Variants in DGCR6L observed in about 807,000 individuals in gnomAD.
DGCR6L encodes DiGeorge syndrome critical region gene 6 like.
In DGCR6L, 24 loss-of-function variants were observed where a neutral mutation model predicts 31.1. The ratio of observed to expected loss-of-function variants is 0.77; its 90% CI spans 0.56 to 1.08. DGCR6L has a LOEUF of 1.08. Among genes scored for constraint, DGCR6L ranks in the 50% least tolerant of loss-of-function variants. DGCR6L has a pLI of 0.00. For synonymous variants in DGCR6L, 104 were observed against 126.1 expected, an observed-to-expected ratio of 0.82 and a Z score of 1.17; for missense variants, 218 against 287.1, an observed-to-expected ratio of 0.76 and a Z score of 1.74.
chr22:20,319,619 A>C lies in DGCR6L; in HGVS notation c.271+20T>G, dbSNP rs1302616288. On this transcript the variant is annotated intron_variant, in intron 2 of 4. Transcript: ENST00000248879. ...GCCGACCCGGAGGAGGCGGCACCTC[A>C]TCCCGCTGCCCCCGCGCACCTCGGT... 1.9e-5 allele frequency: 30 copies of C among 1,609,420 alleles called. No homozygotes were observed. The highest frequency in any genetic ancestry group is 3.3e-5 in the South Asian group (3 of 90,652).
At position 20,314,519 on chromosome 22, in the gene DGCR6L, A is replaced by G; in HGVS notation, c.*156T>C. ...GGCCCAGCCTCCCCTTTATGAGACT[A>G]TCCTAGGGTTTGACAGCAAGTCCCA... On this transcript the variant is annotated 3_prime_UTR_variant, in exon 5 of 5. Transcript: ENST00000248879. 8.7e-7 allele frequency: 1 copy of G among 1,154,186 alleles called. No individual in the cohort carries two copies. The highest frequency in any genetic ancestry group is 1.2e-6 in the Non-Finnish European group (1 of 832,232). The allele number at this position is 1,154,186 out of a possible 1,614,324, so 71.5% of individuals were successfully genotyped here.
At chr22:20,316,843 T>C (rs1347383721) in intron 2 of DGCR6L, among the ~76,000 whole-genome samples, 1 of 152,182 alleles carries the variant, frequency 6.6e-6, no homozygotes, top group Admixed American at 6.5e-5. Flanking sequence ...TCTGAGGGGC[T>C]CACCCTCAGC....
At position 20,316,107 on chromosome 22, in the gene DGCR6L, C is replaced by A. The variant is rs1380845975; in HGVS notation, c.372+12G>T. ...AGAGCTGGGCCGGCCACCCTGCCTG[C>A]GCCCCCAGTACCTCTAGTTCTCGCT... On this transcript the variant is annotated intron_variant, in intron 3 of 4. Transcript: ENST00000248879. The A allele has an allele frequency of 1.3e-6, 2 of 1,598,544 alleles. No homozygotes were observed. The highest frequency in any genetic ancestry group is 1.3e-5 in the African/African-American group (1 of 74,870).
intron 2 of DGCR6L, among the ~76,000 whole-genome samples, chr22:20,317,490 CAGG>C (rs2051579440): frequency 6.6e-6 from 1 of 152,256 alleles, no homozygotes; most frequent in Admixed American, 6.5e-5. Flanking sequence ...GCCAAATCAG[CAGG>C]AGAAGCAGAA....
At position 20,319,566 on chromosome 22, in the gene DGCR6L, G is replaced by A. The variant is rs2051592771; in HGVS notation, c.271+73C>T. 4.5e-6 allele frequency: 7 copies of A among 1,569,296 alleles called. No homozygotes were observed. The East Asian group carries it at 1.6e-4, about 36-fold the overall frequency. On this transcript the variant is annotated intron_variant, in intron 2 of 4. Transcript: ENST00000248879. ...ACACTTCCAAGGAAGGAGCTGATCT[G>A]CACAGATACCAAGAGCTGCCCGGAG...
chr22:20,314,407 T>G lies in DGCR6L; in HGVS notation c.*268A>C. The G allele has an allele frequency of 6.1e-6, 3 of 495,228 alleles. No individual in the cohort carries two copies. 30.7% of individuals were successfully genotyped at this position (495,228 alleles called of 1,614,324 possible). On this transcript the variant is annotated 3_prime_UTR_variant, in exon 5 of 5. Coordinates refer to ENST00000248879, the MANE Select transcript of DGCR6L (RefSeq NM_033257.4). ...GAACAAGCGCTCGGGTGGGCCCCAG[T>G]GCAGGTTGGGATGTGCCCGGTGGAG... is the stretch of plus-strand genomic sequence containing the variant.
intron 4 of DGCR6L, 56 bp downstream of exon 4, chr22:20,315,280 G>C (rs751854014): frequency 1.0e-5 from 16 of 1,570,178 alleles, no homozygotes; most frequent in Admixed American, 5.7e-5. Context: ...TAAAACCCCA[G>C]ATGGAATGGG....
chr22:20,318,761 T>C (rs776365008), intron 2 of DGCR6L: 3 of 152,136 alleles, frequency 2.0e-5, no homozygotes, highest in Non-Finnish European at 2.9e-5. Context: ...CATTCTTGGT[T>C]TTCAGGACTA....
At chr22:20,318,672 TAGG>T (rs1215660214) in intron 2 of DGCR6L, 1 of 152,206 alleles carries the variant, frequency 6.6e-6, no homozygotes, top group Admixed American at 6.5e-5. Context: ...TGCAGCTGTG[TAGG>T]AGACCAGTTT....
chr22:20,319,634 CG>C lies in DGCR6L; in HGVS notation c.271+4del, dbSNP rs772670410. 2.9e-5 allele frequency: 46 copies of C among 1,610,672 alleles called. No homozygotes were observed. The highest frequency in any genetic ancestry group is 3.8e-5 in the Non-Finnish European group (45 of 1,179,642). The stretch of plus-strand genomic sequence containing the variant: ...GCGGCACCTCATCCCGCTGCCCCCG[CG>C]CACCTCGGTGCTCGTTCTGTAGGCG... On this transcript the variant is annotated splice_donor_region_variant and intron_variant, in intron 2 of 4. Coordinates refer to ENST00000248879, the MANE Select transcript of DGCR6L (RefSeq NM_033257.4).
At position 20,320,017 on chromosome 22, in the gene DGCR6L, C is replaced by T; in HGVS notation, c.-29G>A. On this transcript the variant is annotated 5_prime_UTR_variant, in exon 1 of 5. Coordinates refer to ENST00000248879, the MANE Select transcript of DGCR6L (RefSeq NM_033257.4). The stretch of plus-strand genomic sequence containing the variant: ...GCGGACGCCCGCTAGCCGCCGGCGG[C>T]GGCGACGAGCTCCCCCAGCTTCACG... The T allele has an allele frequency of 6.6e-7, 1 of 1,517,202 alleles. No homozygotes were observed. The highest frequency in any genetic ancestry group is 2.4e-5 in the Admixed American group (1 of 42,102). The allele number at this position is 1,517,202 out of a possible 1,614,324, so 94.0% of individuals were successfully genotyped here. A position where few individuals can be genotyped will look rare whatever the true frequency, so the allele number is the denominator to read the frequency against.
At chr22:20,316,271 C>A (rs1307289215) in intron 2 of DGCR6L, 52 bp from the exon 3 acceptor site, 2 of 1,551,010 alleles carry the variant, frequency 1.3e-6, no homozygotes, top group Non-Finnish European at 1.7e-6. Context: ...CAGCAGCCCT[C>A]ACCCATGGGC....
rs1408809433 is a variant in DGCR6L at position 20,318,014 on chromosome 22, C to G, written c.271+1625G>C. The G allele has an allele frequency of 3.9e-5, 10 of 254,334 alleles. No individual in the cohort carries two copies. In the East Asian group the frequency reaches 1.1e-3, roughly 27 times the overall value. The allele number at this position is 254,334 out of a possible 1,614,324, so 15.8% of individuals were successfully genotyped here. On this transcript the variant is annotated intron_variant, in intron 2 of 4. Transcript: ENST00000248879. The stretch of plus-strand genomic sequence containing the variant: ...ACCCAAACCAGATATTACATGAAAA[C>G]TATAGACCACAGTTTATCATGAACA...
In DGCR6L at chr22:20,314,525, G is replaced by A; in HGVS notation, c.*150C>T. 1 of 1,179,658 alleles carries A rather than the reference G, an allele frequency of 8.5e-7. No individual in the cohort carries two copies. Among genetic ancestry groups the A allele is most frequent in the East Asian group, 2.6e-5 (1 of 38,408 alleles). 73.1% of individuals were successfully genotyped at this position (1,179,658 alleles called of 1,614,324 possible). ...GCCTCCCCTTTATGAGACTATCCTA[G>A]GGTTTGACAGCAAGTCCCAGATGAA... is the stretch of plus-strand genomic sequence containing the variant. On this transcript the variant is annotated 3_prime_UTR_variant, in exon 5 of 5. Transcript: ENST00000248879.
intron 2 of DGCR6L, among the ~76,000 whole-genome samples, chr22:20,319,079 C>G (rs1311915955): frequency 6.6e-6 from 1 of 152,188 alleles, no homozygotes; most frequent in East Asian, 1.9e-4. Context: ...ACTGATGGTG[C>G]AGGGGGACCT....
rs1326704695 is a variant in DGCR6L, at chr22:20,319,871, C to T, written c.110+8G>A. 6.2e-7 allele frequency: 1 copy of T among 1,608,116 alleles called. No individual in the cohort carries two copies. The highest frequency in any genetic ancestry group is 8.5e-7 in the Non-Finnish European group (1 of 1,177,958). On this transcript the variant is annotated splice_region_variant and intron_variant, in intron 1 of 4. Transcript: ENST00000248879. ...CTCCGCAGGCCTCCGCCCGCCCCGC[C>T]TGCGTACCTGGGCAACTCCTTCACC...
chr22:20,316,545 G>C (rs1343632460), intron 2 of DGCR6L, among the ~76,000 whole-genome samples: 2 of 152,256 alleles, frequency 1.3e-5, no homozygotes, highest in Non-Finnish European at 2.9e-5. Flanking sequence ...GAGGGCTTCA[G>C]GGCCCCCATG....
chr22:20,315,516 C>T, intron 3 of DGCR6L, 40 bp from the exon 4 acceptor site: 6 of 1,600,454 alleles, frequency 3.7e-6, no homozygotes, highest in Non-Finnish European at 5.1e-6. Context: ...GAGGTGAGGG[C>T]AGCTCTGCCA....
In DGCR6L at chr22:20,320,020, C is replaced by A; in HGVS notation, c.-32G>T. ...GACGCCCGCTAGCCGCCGGCGGCGG[C>A]GACGAGCTCCCCCAGCTTCACGACA... On this transcript the variant is annotated 5_prime_UTR_variant, in exon 1 of 5. Transcript: ENST00000248879. 6.6e-7 allele frequency: 1 copy of A among 1,514,446 alleles called. No individual in the cohort carries two copies. 93.8% of individuals were successfully genotyped at this position (1,514,446 alleles called of 1,614,324 possible). A position where few individuals can be genotyped will look rare whatever the true frequency, so the allele number is the denominator to read the frequency against.
Sources: allele counts gnomAD v4.1 joint callset (sites outside exome capture counted in the v4.1 genomes callset), GRCh38; gene constraint gnomAD v4.1.1; transcripts MANE v1.5; gene names NCBI Gene and HGNC (gene_info 2026-07-23, HGNC 2026-07-21).